The following XNDC1N variants were observed in gnomAD, a reference collection of about 807,000 sequenced individuals.
The protein encoded by XNDC1N is protein XNDC1N.
At chr11:71,908,704 G>A in the XNDC1N span, among the ~76,000 whole-genome samples, 1 of 152,178 alleles carries the variant, frequency 6.6e-6, no homozygotes, top group African/African-American at 2.4e-5. Flanking sequence ...GCTCCAAGCT[G>A]TTATCCAGAC....
chr11:71,876,029 A>G, the XNDC1N span, among the ~76,000 whole-genome samples: 2 of 152,154 alleles, frequency 1.3e-5, no homozygotes, highest in Non-Finnish European at 2.9e-5. Context: ...TGTCTCAAAT[A>G]AATAAATAAA....
At chr11:71,886,660 C>A in the XNDC1N span, among the ~76,000 whole-genome samples, 10 of 152,146 alleles carry the variant, frequency 6.6e-5, no homozygotes, top group African/African-American at 2.4e-4. Context: ...ATTCCCATGG[C>A]TTTAGTCCGT....
the XNDC1N span, chr11:71,904,229 C>G: frequency 5.2e-6 from 2 of 383,086 alleles, no homozygotes; most frequent in African/African-American, 2.1e-5. Flanking sequence ...TGTGTCATTA[C>G]GAGTAATACC....
chr11:71,906,985 C>T, the XNDC1N span, among the ~76,000 whole-genome samples: 1 of 152,094 alleles, frequency 6.6e-6, no homozygotes. Context: ...TATTCCGAAT[C>T]ATACCAAAGG....
chr11:71,914,132 C>G, the XNDC1N span, among the ~76,000 whole-genome samples: 2 of 152,148 alleles, frequency 1.3e-5, no homozygotes, highest in South Asian at 2.1e-4. Context: ...ATTCAACTTT[C>G]AAGCATTGCT....
the XNDC1N span, among the ~76,000 whole-genome samples, chr11:71,866,101 G>A: frequency 7.3e-5 from 11 of 151,118 alleles, no homozygotes; most frequent in Non-Finnish European, 1.3e-4. Context: ...ATCCAAAGAT[G>A]AATTATGTCT....
the XNDC1N span, among the ~76,000 whole-genome samples, chr11:71,882,873 A>T: frequency 2.6e-5 from 4 of 152,336 alleles, no homozygotes; most frequent in African/African-American, 9.6e-5. Flanking sequence ...CCCCAAAATT[A>T]TTAAAACTAA....
chr11:71,892,273 C>T, the XNDC1N span, among the ~76,000 whole-genome samples: 1 of 151,298 alleles, frequency 6.6e-6, no homozygotes, highest in Non-Finnish European at 1.5e-5. Context: ...AGGGTGTACA[C>T]CCACTTTGAT....
At chr11:71,887,096 C>A in the XNDC1N span, among the ~76,000 whole-genome samples, 2 of 152,214 alleles carry the variant, frequency 1.3e-5, no homozygotes, top group Admixed American at 6.5e-5. Flanking sequence ...AGACAAGACT[C>A]AAGCGTCCCC....
chr11:71,891,439 C>T, the XNDC1N span, among the ~76,000 whole-genome samples: 22 of 151,902 alleles, frequency 1.4e-4, no homozygotes, highest in South Asian at 4.2e-4. Context: ...ATGTGTACTC[C>T]GCCTGCGATT....
chr11:71,904,420 C>T, the XNDC1N span, among the ~76,000 whole-genome samples: 2 of 152,068 alleles, frequency 1.3e-5, no homozygotes, highest in East Asian at 1.9e-4. Flanking sequence ...GTACACACAC[C>T]GGGTACACAC....
At chr11:71,887,422 C>T in the XNDC1N span, among the ~76,000 whole-genome samples, 5 of 152,050 alleles carry the variant, frequency 3.3e-5, no homozygotes, top group African/African-American at 1.2e-4. Flanking sequence ...GCTAAAGTTA[C>T]CAGGAACGGG....
the XNDC1N span, among the ~76,000 whole-genome samples, chr11:71,906,910 G>C: frequency 1.3e-5 from 2 of 151,994 alleles, no homozygotes; most frequent in Non-Finnish European, 2.9e-5. Context: ...ATCTTATAAG[G>C]GTAATAAGAG....
At chr11:71,900,062 T>C in the XNDC1N span, among the ~76,000 whole-genome samples, 9 of 152,286 alleles carry the variant, frequency 5.9e-5, no homozygotes, top group South Asian at 6.2e-4. Flanking sequence ...CTGATGTGCA[T>C]GTCCAATCAT....
At chr11:71,905,595 T>C in the XNDC1N span, among the ~76,000 whole-genome samples, 1 of 152,008 alleles carries the variant, frequency 6.6e-6, no homozygotes, top group African/African-American at 2.4e-5. Flanking sequence ...CACTCTGATA[T>C]TGGAAGGAAT....
chr11:71,893,387 C>T, the XNDC1N span: 1 of 676,838 alleles, frequency 1.5e-6, no homozygotes, highest in Non-Finnish European at 2.7e-6. Context: ...TTGTGAATTG[C>T]TTGCATCCAG....
chr11:71,897,228 G>C, the XNDC1N span, among the ~76,000 whole-genome samples: 1 of 152,260 alleles, frequency 6.6e-6, no homozygotes, highest in South Asian at 2.1e-4. Context: ...TAGATTCCTT[G>C]GATTACATAT....
At chr11:71,883,399 G>A in the XNDC1N span, among the ~76,000 whole-genome samples, 1 of 152,124 alleles carries the variant, frequency 6.6e-6, no homozygotes, top group Admixed American at 6.5e-5. Context: ...AGACATATAG[G>A]CCACTGGAAG....
the XNDC1N span, among the ~76,000 whole-genome samples, chr11:71,896,663 A>T: frequency 1.3e-5 from 2 of 152,196 alleles, no homozygotes; most frequent in Non-Finnish European, 2.9e-5. Flanking sequence ...TCCTGGGTTC[A>T]AGCGATTCTC....
Sources: gnomAD v4.1 joint callset for allele counts (sites outside exome capture counted in the v4.1 genomes callset) on GRCh38, gnomAD v4.1.1 for gene constraint, MANE v1.5 for transcripts, NCBI Gene and HGNC (gene_info 2026-07-23, HGNC 2026-07-21) for gene names.